Variants in SSBP2 observed in about 807,000 individuals in gnomAD.
SSBP2 encodes the protein single stranded DNA binding protein 2.
A neutral mutation model predicts 61.8 loss-of-function variants in SSBP2; 17 were observed. That is an observed-to-expected ratio of 0.28 (90% CI 0.19 to 0.41). The LOEUF (loss-of-function observed/expected upper bound fraction) is 0.41, where lower values mean the gene tolerates loss of function less well. Among genes scored for constraint, SSBP2 ranks in the 10% least tolerant of loss-of-function variants. The pLI, the probability that SSBP2 is intolerant of heterozygous loss-of-function variation, is 1.00. For synonymous variants in SSBP2, 139 were observed against 141.3 expected, an observed-to-expected ratio of 0.98 and a Z score of 0.12; for missense variants, 310 against 458.7, an observed-to-expected ratio of 0.68 and a Z score of 2.96.
intron 1 of SSBP2, among the ~76,000 whole-genome samples, chr5:81,746,307 G>C (rs1366639205): frequency 6.6e-6 from 1 of 151,834 alleles, no homozygotes; most frequent in African/African-American, 2.4e-5. Context: ...TGTATTTTGG[G>C]GGAACATCCT....
intron 1 of SSBP2, among the ~76,000 whole-genome samples, chr5:81,701,165 T>C (rs914056204): frequency 1.2e-4 from 19 of 152,190 alleles, no homozygotes; most frequent in African/African-American, 4.6e-4. Context: ...TTAGAGGCCA[T>C]TGTAGGTTAT....
chr5:81,658,976 T>G (rs1750462342), intron 1 of SSBP2, among the ~76,000 whole-genome samples: 1 of 152,206 alleles, frequency 6.6e-6, no homozygotes, highest in Non-Finnish European at 1.5e-5. Context: ...CATCTCATGT[T>G]AAAAACTCTC....
At chr5:81,558,880 T>TA (rs1206305578) in intron 4 of SSBP2, among the ~76,000 whole-genome samples, 1 of 152,226 alleles carries the variant, frequency 6.6e-6, no homozygotes, top group Non-Finnish European at 1.5e-5. Context: ...TCTGATCTCT[T>TA]AAACAGTGTC....
intron 1 of SSBP2, among the ~76,000 whole-genome samples, chr5:81,684,431 G>A (rs1038340778): frequency 8.5e-5 from 13 of 152,160 alleles, no homozygotes; most frequent in Non-Finnish European, 1.5e-4. Flanking sequence ...GTGGTTGCCA[G>A]GGGTTCAGAG....
intron 4 of SSBP2, among the ~76,000 whole-genome samples, chr5:81,576,693 T>G (rs1274188173): frequency 6.6e-6 from 1 of 152,096 alleles, no homozygotes; most frequent in Non-Finnish European, 1.5e-5. Flanking sequence ...GCCTAAAGCT[T>G]ACTTTAATTT....
At chr5:81,454,033 A>G (rs938328939) in intron 10 of SSBP2, among the ~76,000 whole-genome samples, 5 of 152,190 alleles carry the variant, frequency 3.3e-5, no homozygotes, top group Non-Finnish European at 5.9e-5. Context: ...TGAGAAGTAA[A>G]TTCAATAAAC....
chr5:81,709,235 TTC>T (rs1209044866), intron 1 of SSBP2, among the ~76,000 whole-genome samples: 1 of 151,952 alleles, frequency 6.6e-6, no homozygotes, highest in African/African-American at 2.4e-5. Flanking sequence ...TGGCTTTCAT[TTC>T]TAGAATTTAA....
At chr5:81,482,362 T>A (rs1214178970) in intron 6 of SSBP2, among the ~76,000 whole-genome samples, 1 of 152,142 alleles carries the variant, frequency 6.6e-6, no homozygotes, top group African/African-American at 2.4e-5. Flanking sequence ...CCTTTAAAGC[T>A]CTAAAGGAAG....
chr5:81,619,131 CA>C, intron 3 of SSBP2, among the ~76,000 whole-genome samples: 1 of 8,588 alleles, frequency 1.2e-4, no homozygotes, highest in African/African-American at 5.3e-4. Context: ...AATAGAGACA[CA>C]AAAAACCCTT....
chr5:81,687,804 T>C (rs901031867), intron 1 of SSBP2, among the ~76,000 whole-genome samples: 5 of 152,150 alleles, frequency 3.3e-5, no homozygotes, highest in Non-Finnish European at 2.9e-5. Flanking sequence ...GCAGGATTCA[T>C]TACCTTCTGA....
At chr5:81,562,062 A>G (rs1581029392) in intron 4 of SSBP2, among the ~76,000 whole-genome samples, 1 of 148,310 alleles carries the variant, frequency 6.7e-6, no homozygotes, top group South Asian at 2.1e-4. Flanking sequence ...AAGCCACCAC[A>G]CTTGGCTAAT....
chr5:81,631,765 C>T (rs1747747062), intron 3 of SSBP2, among the ~76,000 whole-genome samples: 1 of 152,178 alleles, frequency 6.6e-6, no homozygotes. Context: ...AGTACCCTCA[C>T]ATCCTATTTT....
chr5:81,751,206 G>C, upstream of SSBP2: 1 of 722,152 alleles, frequency 1.4e-6, no homozygotes, highest in South Asian at 1.7e-5. Flanking sequence ...AGACTGACAG[G>C]CCTCCCCCTC....
chr5:81,595,892 C>A (rs1438530021), intron 4 of SSBP2, among the ~76,000 whole-genome samples: 1 of 152,106 alleles, frequency 6.6e-6, no homozygotes, highest in East Asian at 1.9e-4. Flanking sequence ...ATGGGCAAAA[C>A]CCTATCATAC....
Position 81,635,306 on chromosome 5 carries a change from C to T in SSBP2, c.197+1251G>A, listed in dbSNP as rs543744515. Among the ~76,000 whole-genome samples, 3 of 151,908 alleles carry T rather than the reference C, an allele frequency of 2.0e-5. No individual in the cohort carries two copies. The South Asian group carries it at 6.2e-4, about 31-fold the overall frequency. On this transcript the variant is annotated intron_variant, in intron 3 of 16. Transcript: ENST00000320672. ...TTCTCATGAATATGCTTTTCCAGTA[C>T]AAGAAAATGAAGATAAACTTATTTC...
rs552074773 is a variant in SSBP2, at chr5:81,685,327, C to T, written c.63-34988G>A. Among the ~76,000 whole-genome samples, 112 of 152,158 alleles carry T rather than the reference C, an allele frequency of 7.4e-4. 1 individual carries two copies. The highest frequency in any genetic ancestry group is 2.6e-3 in the African/African-American group (110 of 41,516). The stretch of plus-strand genomic sequence containing the variant: ...AATATATAGGATACATTTGTCAAAA[C>T]TGATAGGATATATAAGAATGAACCC... On this transcript the variant is annotated intron_variant, in intron 1 of 16. Transcript: ENST00000320672.
At chr5:81,546,952 C>T (rs1237571660) in intron 4 of SSBP2, among the ~76,000 whole-genome samples, 3 of 138,668 alleles carry the variant, frequency 2.2e-5, no homozygotes, top group South Asian at 2.2e-4. Flanking sequence ...TAAGAATACA[C>T]GAGAACAATG....
chr5:81,455,629 A>AAAAAG (rs1764091316), intron 10 of SSBP2, among the ~76,000 whole-genome samples: 1 of 146,654 alleles, frequency 6.8e-6, no homozygotes, highest in Non-Finnish European at 1.5e-5. Flanking sequence ...CCGTCTCAAA[A>AAAAAG]AAAAAAAAAA....
intron 10 of SSBP2, among the ~76,000 whole-genome samples, chr5:81,449,817 CAT>C (rs1261874477): frequency 6.6e-6 from 1 of 152,186 alleles, no homozygotes; most frequent in Non-Finnish European, 1.5e-5. Context: ...GCACACAACA[CAT>C]GTCCCAAGGC....
Sources: gnomAD v4.1 joint callset for allele counts (sites outside exome capture counted in the v4.1 genomes callset) on GRCh38, gnomAD v4.1.1 for gene constraint, MANE v1.5 for transcripts, NCBI Gene and HGNC (gene_info 2026-07-23, HGNC 2026-07-21) for gene names.